The following CAPZA1 variants were observed in gnomAD, a reference collection of about 807,000 sequenced individuals.
CAPZA1 encodes the protein capping actin protein of muscle Z-line subunit alpha 1, also known as F-actin-capping protein subunit alpha-1.
Under a neutral mutation model 40.8 loss-of-function variants are expected in CAPZA1, and 10 were observed. The ratio of observed to expected loss-of-function variants is 0.25; its 90% CI spans 0.15 to 0.42. The LOEUF (loss-of-function observed/expected upper bound fraction) is 0.42. Ranked by LOEUF, CAPZA1 falls within the 10% of genes least tolerant of loss-of-function variation. The pLI, the probability that CAPZA1 is intolerant of heterozygous loss-of-function variation, is 1.00. For synonymous variants in CAPZA1, 98 were observed against 115.0 expected (o/e 0.85, Z 0.95); for missense variants, 277 against 353.8 (o/e 0.78, Z 1.74).
chr1:112,648,596 G>A (rs1434327394), intron 2 of CAPZA1, among the ~76,000 whole-genome samples: 12 of 151,648 alleles, frequency 7.9e-5, no homozygotes, highest in East Asian at 1.9e-4. Context: ...GATTACAGGC[G>A]TGAGCCACCA....
chr1:112,658,092 T>C (rs971250649), intron 5 of CAPZA1, among the ~76,000 whole-genome samples: 10 of 152,206 alleles, frequency 6.6e-5, no homozygotes, highest in African/African-American at 2.2e-4. Flanking sequence ...CAACTTCTTA[T>C]CTGTAGATAA....
chr1:112,648,347 C>CA (rs1671320437), intron 2 of CAPZA1, among the ~76,000 whole-genome samples: 1 of 99,388 alleles, frequency 1.0e-5, no homozygotes, highest in Non-Finnish European at 2.1e-5. Flanking sequence ...TTGAATTTTT[C>CA]TTTTTTTTTT....
chr1:112,651,947 C>CT (rs1466384720), intron 3 of CAPZA1, among the ~76,000 whole-genome samples: 1 of 151,328 alleles, frequency 6.6e-6, no homozygotes, highest in Non-Finnish European at 1.5e-5. Context: ...GAGACTCCCC[C>CT]CGATCTCTAA....
At chr1:112,629,106 C>A (rs915312609) in intron 1 of CAPZA1, among the ~76,000 whole-genome samples, 2 of 152,212 alleles carry the variant, frequency 1.3e-5, no homozygotes, top group South Asian at 4.1e-4. Context: ...GGCTTCCCAT[C>A]TTTTTCTAAG....
At chr1:112,642,918 C>T (rs1033982287) in intron 1 of CAPZA1, among the ~76,000 whole-genome samples, 6 of 151,922 alleles carry the variant, frequency 3.9e-5, no homozygotes, top group African/African-American at 1.5e-4. Context: ...GGCTTTATTC[C>T]TTTTTCCTTG....
chr1:112,641,401 A>G (rs1671159649), intron 1 of CAPZA1, among the ~76,000 whole-genome samples: 1 of 152,160 alleles, frequency 6.6e-6, no homozygotes, highest in African/African-American at 2.4e-5. Context: ...GTGTAAATAT[A>G]TATAATTTCT....
chr1:112,653,549 C>G (rs534857021), intron 3 of CAPZA1, 49 bp from the exon 4 acceptor site: 1 of 1,137,326 alleles, frequency 8.8e-7, no homozygotes, highest in African/African-American at 1.6e-5. Flanking sequence ...ATTCTTTTCT[C>G]TCTCCCTCTT....
intron 8 of CAPZA1, 88 bp downstream of exon 8, chr1:112,667,233 G>C (rs1238847020): frequency 1.1e-6 from 1 of 915,040 alleles, no homozygotes. Context: ...GATTCTGCCA[G>C]TAGAAATTCA....
chr1:112,663,257 C>G (rs1410033327), intron 7 of CAPZA1, among the ~76,000 whole-genome samples: 1 of 152,172 alleles, frequency 6.6e-6, no homozygotes, highest in Non-Finnish European at 1.5e-5. Flanking sequence ...AGCCACTGCA[C>G]CCGGCTCATT....
chr1:112,641,222 AAAAAAAAT>A (rs1671155172), intron 1 of CAPZA1, among the ~76,000 whole-genome samples: 1 of 150,212 alleles, frequency 6.7e-6, no homozygotes. Flanking sequence ...GATCAATAAA[AAAAAAAAT>A]AAATAAATAA....
intron 7 of CAPZA1, among the ~76,000 whole-genome samples, chr1:112,665,183 T>TG (rs1418497408): frequency 1.3e-5 from 2 of 148,562 alleles, no homozygotes; most frequent in Non-Finnish European, 3.0e-5. Flanking sequence ...TTTGTGTTTT[T>TG]TTTTTTTTTT....
chr1:112,662,957 C>T (rs1302178958), intron 7 of CAPZA1, among the ~76,000 whole-genome samples: 5 of 151,688 alleles, frequency 3.3e-5, no homozygotes, highest in Admixed American at 3.3e-4. Flanking sequence ...TTCCCCCCTG[C>T]CCCCTTTTTG....
In CAPZA1 at chr1:112,647,273, G is replaced by A; in HGVS notation, c.103G>A (p.Asp35Asn). 1.4e-6 allele frequency: 2 copies of A among 1,477,754 alleles called. No homozygotes were observed. Among genetic ancestry groups the A allele is most frequent in the Non-Finnish European group, 1.8e-6 (2 of 1,093,490 alleles). The allele number at this position is 1,477,754 out of a possible 1,614,324, so 91.5% of individuals were successfully genotyped here. ...AGGGGAATTTAATGAAGTATTCAAT[G>A]GTGAGTAAAGATTAGTATTTTAATC... ...PPGEFNEVFN[D>N]VRLLLNNDNL... The change falls in exon 2 of 10, where the codon GAC becomes AAC. Residue 35 changes from aspartate to asparagine, a missense_variant and splice_region_variant. Physicochemically the swap from Asp to Asn is conservative, Grantham distance 23. Coordinates refer to ENST00000263168, the MANE Select transcript of CAPZA1 (RefSeq NM_006135.3).
chr1:112,664,899 C>A (rs755087940), intron 7 of CAPZA1, among the ~76,000 whole-genome samples: 14 of 152,194 alleles, frequency 9.2e-5, no homozygotes, highest in Non-Finnish European at 2.1e-4. Flanking sequence ...CGTGCCATTG[C>A]ACTCCAGCCT....
chr1:112,658,181 T>G (rs974423960), intron 5 of CAPZA1, among the ~76,000 whole-genome samples: 1 of 152,180 alleles, frequency 6.6e-6, no homozygotes, highest in Admixed American at 6.5e-5. Context: ...AAGCGCTATT[T>G]TTTTTTTCTT....
intron 1 of CAPZA1, among the ~76,000 whole-genome samples, chr1:112,640,021 A>C (rs1671111119): frequency 8.1e-6 from 1 of 123,502 alleles, no homozygotes; most frequent in Non-Finnish European, 1.8e-5. Flanking sequence ...TGGGGGGGTC[A>C]GCCCCCCGCC....
intron 1 of CAPZA1, among the ~76,000 whole-genome samples, chr1:112,621,571 A>G (rs966592971): frequency 2.0e-5 from 3 of 152,000 alleles, no homozygotes; most frequent in Admixed American, 6.5e-5. Context: ...CAAATAATTT[A>G]AATAATAAAC....
At chr1:112,642,743 G>A (rs984691531) in intron 1 of CAPZA1, among the ~76,000 whole-genome samples, 10 of 152,116 alleles carry the variant, frequency 6.6e-5, no homozygotes, top group Admixed American at 2.6e-4. Context: ...ATCTTCTATC[G>A]AAACAAACTG....
intron 5 of CAPZA1, among the ~76,000 whole-genome samples, chr1:112,655,851 C>T (rs1316169244): frequency 6.6e-6 from 1 of 152,122 alleles, no homozygotes; most frequent in Non-Finnish European, 1.5e-5. Context: ...GCGTGAGCTG[C>T]TGCACCTGGC....
Sources: allele counts gnomAD v4.1 joint callset (sites outside exome capture counted in the v4.1 genomes callset), GRCh38; gene constraint gnomAD v4.1.1; transcripts MANE v1.5; gene names NCBI Gene and HGNC (gene_info 2026-07-23, HGNC 2026-07-21).